Variants in PHF8 observed in about 807,000 individuals in gnomAD.
PHF8 encodes histone lysine demethylase PHF8.
A neutral mutation model predicts 74.4 loss-of-function variants in PHF8; 9 were observed. That is an observed-to-expected ratio of 0.12 (90% CI 0.07 to 0.21). The LOEUF (loss-of-function observed/expected upper bound fraction) is 0.21, where lower values mean the gene tolerates loss of function less well. PHF8 is among the 10% of genes least tolerant of loss of function. The pLI, the probability that PHF8 is intolerant of heterozygous loss-of-function variation, is 1.00. For missense variants in PHF8, 478 were observed against 816.6 expected (o/e 0.59, Z 5.05); for synonymous variants, 311 against 316.6 (o/e 0.98, Z 0.19).
intron 20 of PHF8, among the ~76,000 whole-genome samples, chrX:53,941,106 G>A (rs1401841480): frequency 8.9e-6 from 1 of 112,101 alleles, no homozygotes. Flanking sequence ...TTTGGAATGA[G>A]ATAAATCTGG....
intron 19 of PHF8, among the ~76,000 whole-genome samples, chrX:53,961,491 C>T (rs1464752589): frequency 9.0e-6 from 1 of 110,769 alleles, no homozygotes; most frequent in East Asian, 2.8e-4. Flanking sequence ...CCATTCCCGG[C>T]TGATTTTCTA....
At chrX:54,044,498 C>A (rs181693860), upstream of PHF8, 832 of 637,150 alleles carry the variant, frequency 1.3e-3, 4 homozygotes, top group African/African-American at 0.019. Context: ...GGCGGGGAAC[C>A]GCGAGCCGCC....
At chrX:53,988,620 A>T (rs1224871779) in intron 14 of PHF8, among the ~76,000 whole-genome samples, 18 of 100,192 alleles carry the variant, frequency 1.8e-4, no homozygotes, top group Admixed American at 3.3e-4. Context: ...CCAAAAAAAA[A>T]TTTTTTTTTT....
At chrX:54,023,272 CA>C (rs1161474333) in intron 2 of PHF8, among the ~76,000 whole-genome samples, 1 of 111,021 alleles carries the variant, frequency 9.0e-6, no homozygotes, top group Non-Finnish European at 1.9e-5. Context: ...CCACCACGCC[CA>C]GCCTTATAAC....
chrX:53,964,782 A>G (rs1223962773), intron 18 of PHF8, among the ~76,000 whole-genome samples: 4 of 107,945 alleles, frequency 3.7e-5, no homozygotes, highest in Non-Finnish European at 5.7e-5. Context: ...CAGGAGAATC[A>G]CTTGAACCTT....
chrX:53,970,047 C>T (rs2065269661), intron 18 of PHF8, among the ~76,000 whole-genome samples: 1 of 111,990 alleles, frequency 8.9e-6, no homozygotes, highest in Non-Finnish European at 1.9e-5. Context: ...TGGGGAAATG[C>T]TATAGGACAT....
At chrX:54,043,016 G>A (rs1306997656) in intron 1 of PHF8, 196 bp from the exon 2 acceptor site, 1 of 498,329 alleles carries the variant, frequency 2.0e-6, no homozygotes, top group African/African-American at 2.4e-5. Context: ...CAACCTTCCA[G>A]GCTTCCCACC....
intron 6 of PHF8, among the ~76,000 whole-genome samples, chrX:54,016,363 G>A (rs886807523): frequency 4.6e-5 from 5 of 109,670 alleles, no homozygotes; most frequent in Non-Finnish European, 9.5e-5. Flanking sequence ...GCATGGTGGC[G>A]GGCGCCTGTA....
At chrX:53,982,696 G>A (rs7884979) in intron 18 of PHF8, among the ~76,000 whole-genome samples, 10 of 111,675 alleles carry the variant, frequency 9.0e-5, no homozygotes, top group African/African-American at 2.6e-4. Context: ...CAAGTCAGGG[G>A]GATAATGATG....
chrX:54,042,839 T>TTG lies in PHF8; in HGVS notation c.-92-20_-92-19insCA. 3 of 1,086,770 alleles carry TTG rather than the reference T, an allele frequency of 2.8e-6. No homozygotes were observed. Among genetic ancestry groups the TTG allele is most frequent in the Non-Finnish European group, 3.7e-6 (3 of 814,285 alleles). The allele number at this position is 1,086,770 out of a possible 1,213,427, so 89.6% of individuals were successfully genotyped here. ...ACGATAGCTAGGCACAAATAACACT[T>TTG]TTTACAGAGTGAATCAGCCCCCGCC... is the stretch of plus-strand genomic sequence containing the variant. On this transcript the variant is annotated intron_variant, in intron 1 of 21. Coordinates refer to ENST00000338154, the MANE Select transcript of PHF8 (RefSeq NM_015107.3).
chrX:54,013,126 A>T (rs2066007727), intron 7 of PHF8, among the ~76,000 whole-genome samples: 1 of 110,679 alleles, frequency 9.0e-6, no homozygotes, highest in South Asian at 3.8e-4. Flanking sequence ...TCTAAGAAAA[A>T]AATAATAATA....
intron 18 of PHF8, among the ~76,000 whole-genome samples, chrX:53,966,397 G>C (rs2065187710): frequency 8.9e-6 from 1 of 112,710 alleles, no homozygotes; most frequent in South Asian, 3.6e-4. Context: ...ACGCCTGACT[G>C]GTTTTCGTAT....
chrX:54,018,519 A>G (rs1450939173), intron 4 of PHF8, among the ~76,000 whole-genome samples: 4 of 108,794 alleles, frequency 3.7e-5, no homozygotes, highest in African/African-American at 1.3e-4. Context: ...GGTGCAGAAA[A>G]TAGTTTTCTT....
At chrX:54,020,583 CTA>C (rs1337467763) in intron 4 of PHF8, among the ~76,000 whole-genome samples, 6 of 111,739 alleles carry the variant, frequency 5.4e-5, no homozygotes, top group African/African-American at 1.9e-4. Flanking sequence ...TTAAAAAAAT[CTA>C]TGTTTGTATA....
chrX:54,034,359 A>G, intron 2 of PHF8, among the ~76,000 whole-genome samples: 1 of 112,014 alleles, frequency 8.9e-6, no homozygotes, highest in Admixed American at 9.5e-5. Flanking sequence ...TCTCATCAGA[A>G]ACCATGGAGG....
chrX:54,042,780 A>G lies in PHF8; in HGVS notation c.-52T>C, dbSNP rs782269154. The G allele has an allele frequency of 2.1e-5, 25 of 1,181,984 alleles. No individual in the cohort carries two copies. The highest frequency in any genetic ancestry group is 2.6e-5 in the Non-Finnish European group (23 of 879,329). On this transcript the variant is annotated 5_prime_UTR_variant, in exon 2 of 22. Coordinates refer to ENST00000338154, the MANE Select transcript of PHF8 (RefSeq NM_015107.3). ...GGCCGGCCAGGTTCGTCGTGTCAAG[A>G]GGGGCGGGAGGCGGCAGCACGCGTC...
chrX:53,978,386 C>T (rs1407069366), intron 18 of PHF8, among the ~76,000 whole-genome samples: 3 of 112,262 alleles, frequency 2.7e-5, no homozygotes, highest in African/African-American at 6.5e-5. Flanking sequence ...TATTTGTAAT[C>T]ACCCCAAAGT....
chrX:53,965,167 A>ACACACACACACGCACG (rs1179269228), intron 18 of PHF8, among the ~76,000 whole-genome samples: 1 of 111,828 alleles, frequency 8.9e-6, no homozygotes, highest in Non-Finnish European at 1.9e-5. Context: ...GCACGTGTGC[A>ACACACACACACGCACG]CACACACACA....
intron 2 of PHF8, among the ~76,000 whole-genome samples, chrX:54,026,618 C>A (rs912145601): frequency 1.8e-5 from 2 of 110,653 alleles, no homozygotes; most frequent in East Asian, 5.6e-4. Flanking sequence ...TGTTTAGAGT[C>A]AGGGTCTCAC....
Sources: allele counts gnomAD v4.1 joint callset (sites outside exome capture counted in the v4.1 genomes callset), GRCh38; gene constraint gnomAD v4.1.1; transcripts MANE v1.5; gene names NCBI Gene and HGNC (gene_info 2026-07-23, HGNC 2026-07-21).